The following MSRB2 variants were observed in gnomAD, a reference collection of about 807,000 sequenced individuals.
The protein encoded by MSRB2 is methionine sulfoxide reductase B2.
A neutral mutation model predicts 19.0 loss-of-function variants in MSRB2; 17 were observed. That is an observed-to-expected ratio of 0.89 (90% CI 0.61 to 1.34). The LOEUF (loss-of-function observed/expected upper bound fraction) is 1.34, where lower values mean the gene tolerates loss of function less well. MSRB2 is among the 40% of genes most tolerant of loss of function. The pLI is 0.00. For synonymous variants in MSRB2, 107 were observed against 99.7 expected, an observed-to-expected ratio of 1.07 and a Z score of -0.44; for missense variants, 208 against 237.6, an observed-to-expected ratio of 0.88 and a Z score of 0.82.
intron 2 of MSRB2, among the ~76,000 whole-genome samples, chr10:23,105,204 C>CTG (rs369455463): frequency 7.7e-6 from 1 of 130,278 alleles, no homozygotes. Flanking sequence ...CTCTCTCTCT[C>CTG]TGTGTGTCTG....
At chr10:23,099,504 G>A (rs944127294) in intron 1 of MSRB2, among the ~76,000 whole-genome samples, 1 of 152,118 alleles carries the variant, frequency 6.6e-6, no homozygotes, top group African/African-American at 2.4e-5. Flanking sequence ...CTTAGATGAA[G>A]GCTTAATTCT....
intron 1 of MSRB2, among the ~76,000 whole-genome samples, chr10:23,097,631 A>G (rs1327516734): frequency 6.6e-6 from 1 of 152,244 alleles, no homozygotes; most frequent in Non-Finnish European, 1.5e-5. Flanking sequence ...AGAACATATA[A>G]TATTCAGTTT....
chr10:23,098,666 C>T (rs1008148090), intron 1 of MSRB2, among the ~76,000 whole-genome samples: 5 of 152,190 alleles, frequency 3.3e-5, no homozygotes, highest in African/African-American at 7.2e-5. Flanking sequence ...TCTCTAGCCA[C>T]GGTAGCCAGA....
chr10:23,120,795 C>T lies in MSRB2; in HGVS notation c.482C>T (p.Pro161Leu), dbSNP rs757592264. 1 of 1,614,082 alleles carries T rather than the reference C, an allele frequency of 6.2e-7. No homozygotes were observed. Among genetic ancestry groups the T allele is most frequent in the Non-Finnish European group, 8.5e-7 (1 of 1,180,010 alleles). Residue 161 changes from proline to leucine, a missense_variant, in exon 5 of 5, where the codon CCT becomes CTT. By Grantham distance (98) the Pro-to-Leu change is moderately conservative (BLOSUM62 -3). Coordinates refer to ENST00000376510, the MANE Select transcript of MSRB2 (RefSeq NM_012228.4). ...AHLGHVFPDG[P>L]GPNGQRFCIN... ...CTAGGTCACGTGTTTCCTGATGGAC[C>T]TGGGCCCAATGGTCAGAGGTTTTGC...
At chr10:23,096,338 GTC>G (rs1235544329) in intron 1 of MSRB2, among the ~76,000 whole-genome samples, 2 of 138,334 alleles carry the variant, frequency 1.4e-5, no homozygotes, top group Admixed American at 1.5e-4. Flanking sequence ...GTGTGTGTGT[GTC>G]TCTCTCTCTC....
At chr10:23,101,154 C>A (rs897366433) in intron 1 of MSRB2, among the ~76,000 whole-genome samples, 2 of 152,114 alleles carry the variant, frequency 1.3e-5, no homozygotes, top group Non-Finnish European at 2.9e-5. Flanking sequence ...TATTCCTCAT[C>A]CCCCTCACAC....
intron 1 of MSRB2, among the ~76,000 whole-genome samples, chr10:23,103,178 T>A (rs1282372117): frequency 6.6e-6 from 1 of 152,208 alleles, no homozygotes; most frequent in Non-Finnish European, 1.5e-5. Flanking sequence ...GGAGAGGAGA[T>A]AAGTCTTTTC....
At chr10:23,104,883 C>G (rs1313928734) in intron 2 of MSRB2, among the ~76,000 whole-genome samples, 1 of 152,138 alleles carries the variant, frequency 6.6e-6, no homozygotes, top group Admixed American at 6.6e-5. Flanking sequence ...TTCAGACCTA[C>G]CTTGTAGCTC....
intron 1 of MSRB2, among the ~76,000 whole-genome samples, chr10:23,102,060 G>GTT (rs1359270601): frequency 1.3e-5 from 2 of 152,046 alleles, no homozygotes; most frequent in Non-Finnish European, 2.9e-5. Flanking sequence ...ATTAAACTGG[G>GTT]ATTATGGGCT....
At chr10:23,107,712 C>A (rs1839998776) in intron 2 of MSRB2, among the ~76,000 whole-genome samples, 1 of 152,142 alleles carries the variant, frequency 6.6e-6, no homozygotes, top group African/African-American at 2.4e-5. Context: ...ACTTAGGGAG[C>A]AAATTCTTTG....
intron 3 of MSRB2, among the ~76,000 whole-genome samples, chr10:23,114,047 C>CTA (rs1311238439): frequency 6.6e-6 from 1 of 152,090 alleles, no homozygotes; most frequent in Non-Finnish European, 1.5e-5. Flanking sequence ...AATGTTGGGA[C>CTA]TATCAGAAGC....
At chr10:23,106,085 T>C (rs1339710639) in intron 2 of MSRB2, among the ~76,000 whole-genome samples, 1 of 152,206 alleles carries the variant, frequency 6.6e-6, no homozygotes, top group Non-Finnish European at 1.5e-5. Context: ...TGCCAGATGT[T>C]TAGGAAAATA....
intron 3 of MSRB2, among the ~76,000 whole-genome samples, chr10:23,113,359 C>A (rs1001778990): frequency 2.0e-5 from 3 of 152,140 alleles, no homozygotes; most frequent in Non-Finnish European, 2.9e-5. Context: ...CAGATTTCTC[C>A]TGAAACCTTC....
Position 23,115,997 on chromosome 10 carries a change from G to A in MSRB2, c.297-3307G>A, listed in dbSNP as rs572392230. 1.2e-4 allele frequency among the ~76,000 whole-genome samples: 19 copies of A among 152,244 alleles called. No homozygotes were observed. In the South Asian group the frequency reaches 3.9e-3, roughly 32 times the overall value. On this transcript the variant is annotated intron_variant, in intron 3 of 4. Coordinates refer to ENST00000376510, the MANE Select transcript of MSRB2 (RefSeq NM_012228.4). ...CCCTGAGCAGAGTGGCCAGATGAATGTTTTTGAACCCCTGGAGGAGGGTTG... is the reference window on the plus strand; with the variant it reads ...CCCTGAGCAGAGTGGCCAGATGAATATTTTTGAACCCCTGGAGGAGGGTTG...
At chr10:23,096,312 A>C (rs924771010) in intron 1 of MSRB2, among the ~76,000 whole-genome samples, 2 of 136,720 alleles carry the variant, frequency 1.5e-5, no homozygotes, top group Non-Finnish European at 3.2e-5. Context: ...ACTGAGACAG[A>C]GACCAGGGCG....
At chr10:23,102,155 C>G (rs549964931) in intron 1 of MSRB2, among the ~76,000 whole-genome samples, 3 of 152,166 alleles carry the variant, frequency 2.0e-5, no homozygotes, top group Non-Finnish European at 4.4e-5. Context: ...GAGACACACA[C>G]GCGCAAACGT....
chr10:23,108,717 C>T (rs1239809823), intron 2 of MSRB2, among the ~76,000 whole-genome samples: 1 of 151,990 alleles, frequency 6.6e-6, no homozygotes, highest in Admixed American at 6.6e-5. Flanking sequence ...TTCAGGTAAT[C>T]CACCTGTCTC....
At chr10:23,114,066 C>T (rs114138740) in intron 3 of MSRB2, among the ~76,000 whole-genome samples, 96 of 152,180 alleles carry the variant, frequency 6.3e-4, no homozygotes, top group African/African-American at 2.1e-3. Context: ...GCTGTGGTTA[C>T]GGGCTGAACG....
chr10:23,116,306 G>A (rs1044802136), intron 3 of MSRB2, among the ~76,000 whole-genome samples: 7 of 152,108 alleles, frequency 4.6e-5, no homozygotes, highest in Non-Finnish European at 1.0e-4. Flanking sequence ...GCTGGGAAGC[G>A]AGCTCCCAGC....
Sources: gnomAD v4.1 joint callset for allele counts (sites outside exome capture counted in the v4.1 genomes callset) on GRCh38, gnomAD v4.1.1 for gene constraint, MANE v1.5 for transcripts, NCBI Gene and HGNC (gene_info 2026-07-23, HGNC 2026-07-21) for gene names.